The following RANBP2 variants were observed in gnomAD, a reference collection of about 807,000 sequenced individuals.
RANBP2 encodes E3 SUMO-protein ligase RanBP2.
Under a neutral mutation model 303.6 loss-of-function variants are expected in RANBP2, and 57 were observed. The ratio of observed to expected loss-of-function variants is 0.19; its 90% CI spans 0.15 to 0.23. RANBP2 has a LOEUF of 0.23. Ranked by LOEUF, RANBP2 falls within the 10% of genes least tolerant of loss-of-function variation. The pLI is 1.00. For missense variants in RANBP2, 3,138 were observed against 3,780.8 expected (o/e 0.83, Z 4.46); for synonymous variants, 1,167 against 1,301.5 (o/e 0.90, Z 2.23).
At chr2:109,187,799 C>A in the RANBP2 span, among the ~76,000 whole-genome samples, 2 of 152,302 alleles carry the variant, frequency 1.3e-5, no homozygotes, top group East Asian at 3.9e-4. Context: ...TTCCGACTTC[C>A]CTCTGACACC....
At chr2:108,943,557 A>G in the RANBP2 span, among the ~76,000 whole-genome samples, 1 of 152,294 alleles carries the variant, frequency 6.6e-6, no homozygotes, top group East Asian at 1.9e-4. Context: ...ACTAGTCCGA[A>G]TTATCCAGAA....
the RANBP2 span, among the ~76,000 whole-genome samples, chr2:109,490,398 C>T: frequency 6.6e-6 from 1 of 152,166 alleles, no homozygotes; most frequent in African/African-American, 2.4e-5. Flanking sequence ...CTGGTTCACC[C>T]GTGGGAACTG....
At chr2:109,146,029 C>T in the RANBP2 span, among the ~76,000 whole-genome samples, 4 of 151,030 alleles carry the variant, frequency 2.6e-5, no homozygotes, top group East Asian at 1.9e-4. Flanking sequence ...CTATGTGGGC[C>T]GACGGAGTCC....
At chr2:109,125,310 GT>G in the RANBP2 span, among the ~76,000 whole-genome samples, 6 of 152,202 alleles carry the variant, frequency 3.9e-5, no homozygotes. Context: ...TGGTGGGGGG[GT>G]TAGAATTATC....
At chr2:109,291,110 A>G in the RANBP2 span, among the ~76,000 whole-genome samples, 19 of 152,160 alleles carry the variant, frequency 1.2e-4, no homozygotes, top group African/African-American at 4.6e-4. Flanking sequence ...AGAACCAGTC[A>G]CTTAACAGCT....
At chr2:109,515,172 G>C in the RANBP2 span, among the ~76,000 whole-genome samples, 1 of 152,224 alleles carries the variant, frequency 6.6e-6, no homozygotes, top group Non-Finnish European at 1.5e-5. Flanking sequence ...CCAGGGCCAG[G>C]AGGGTTCTCC....
chr2:109,218,257 T>A, the RANBP2 span, among the ~76,000 whole-genome samples: 1 of 152,206 alleles, frequency 6.6e-6, no homozygotes, highest in Non-Finnish European at 1.5e-5. Context: ...AAAAGACATT[T>A]CAGTATTTAT....
the RANBP2 span, among the ~76,000 whole-genome samples, chr2:109,679,002 C>T: frequency 1.9e-4 from 29 of 152,322 alleles, no homozygotes; most frequent in African/African-American, 7.0e-4. Flanking sequence ...CCTATAAAGG[C>T]ACCTCGAACA....
At chr2:108,791,439 T>A in the RANBP2 span, 2 of 497,932 alleles carry the variant, frequency 4.0e-6, no homozygotes, top group Non-Finnish European at 7.5e-6. Flanking sequence ...GGTAGGTATA[T>A]GTCATTTTAA....
chr2:109,596,508 T>C, the RANBP2 span, among the ~76,000 whole-genome samples: 1 of 151,932 alleles, frequency 6.6e-6, no homozygotes, highest in East Asian at 1.9e-4. Flanking sequence ...TCCCAGCTAC[T>C]CGGGAGGCTG....
the RANBP2 span, among the ~76,000 whole-genome samples, chr2:109,327,406 T>C: frequency 6.6e-6 from 1 of 152,246 alleles, no homozygotes; most frequent in South Asian, 2.1e-4. Context: ...ACTATTCTTT[T>C]GTAATTACTG....
chr2:109,430,767 GTCCTC>G, the RANBP2 span, among the ~76,000 whole-genome samples: 2 of 152,146 alleles, frequency 1.3e-5, no homozygotes, highest in Non-Finnish European at 2.9e-5. Context: ...GGGTGGCGGG[GTCCTC>G]TCCTGATGAT....
At chr2:108,907,773 A>T in the RANBP2 span, 1 of 1,496,920 alleles carries the variant, frequency 6.7e-7, no homozygotes, top group African/African-American at 1.4e-5. Context: ...GTCTTGCAGG[A>T]GAGCTGATTC....
chr2:109,319,098 T>C, the RANBP2 span, among the ~76,000 whole-genome samples: 1 of 152,146 alleles, frequency 6.6e-6, no homozygotes, highest in African/African-American at 2.4e-5. Flanking sequence ...CAGCAGCTGC[T>C]TGTAGGTGTC....
the RANBP2 span, among the ~76,000 whole-genome samples, chr2:109,116,330 C>G: frequency 1.3e-5 from 2 of 152,170 alleles, no homozygotes; most frequent in Non-Finnish European, 1.5e-5. Flanking sequence ...TTGTTCGTTT[C>G]TTTTTATTCT....
At chr2:109,034,032 T>C in the RANBP2 span, among the ~76,000 whole-genome samples, 1 of 148,074 alleles carries the variant, frequency 6.8e-6, no homozygotes, top group African/African-American at 2.5e-5. Context: ...GGAGGCCAGG[T>C]GGGTGGATCA....
chr2:109,435,502 G>A, the RANBP2 span, among the ~76,000 whole-genome samples: 358 of 152,304 alleles, frequency 2.4e-3, 1 homozygote, highest in African/African-American at 8.0e-3. Flanking sequence ...GTGGGCTCTC[G>A]GGGCTGGGAG....
chr2:109,472,338 C>T, the RANBP2 span, among the ~76,000 whole-genome samples: 1 of 152,042 alleles, frequency 6.6e-6, no homozygotes, highest in Non-Finnish European at 1.5e-5. Context: ...CCTGCACTCT[C>T]GGTGGTCTCG....
the RANBP2 span, among the ~76,000 whole-genome samples, chr2:109,079,321 C>A: frequency 6.6e-6 from 1 of 152,214 alleles, no homozygotes; most frequent in East Asian, 1.9e-4. Context: ...ACTCAATACA[C>A]GTAAGATACA....
Sources: gnomAD v4.1 joint callset for allele counts (sites outside exome capture counted in the v4.1 genomes callset) on GRCh38, gnomAD v4.1.1 for gene constraint, MANE v1.5 for transcripts, NCBI Gene and HGNC (gene_info 2026-07-23, HGNC 2026-07-21) for gene names.